IQCB1: variants seen among roughly 807,000 people sequenced by gnomAD.
IQCB1 encodes the protein IQ calmodulin-binding motif-containing protein 1.
In IQCB1, 56 loss-of-function variants were observed where a neutral mutation model predicts 84.4. The observed-to-expected ratio is 0.66, with a 90% CI of 0.54 to 0.83. IQCB1 has a LOEUF of 0.83. Ranked by LOEUF, IQCB1 falls within the 40% of genes least tolerant of loss-of-function variation. The probability of loss-of-function intolerance (pLI) is 0.00; values close to 1 mark genes in which losing one functional copy is unlikely to be tolerated. For synonymous variants in IQCB1, 210 were observed against 234.8 expected, an observed-to-expected ratio of 0.89 and a Z score of 0.96; for missense variants, 629 against 682.1, an observed-to-expected ratio of 0.92 and a Z score of 0.87.
At chr3:121,801,904 T>C (rs1336515470) in intron 7 of IQCB1, among the ~76,000 whole-genome samples, 3 of 151,646 alleles carry the variant, frequency 2.0e-5, no homozygotes, top group African/African-American at 7.3e-5. Context: ...TGGTATGTTT[T>C]TTCCATTTTT....
chr3:121,795,602 G>A (rs547768406), intron 9 of IQCB1, 36 bp from the exon 10 acceptor site: 1 of 1,209,148 alleles, frequency 8.3e-7, no homozygotes, highest in South Asian at 1.2e-5. Flanking sequence ...ATATCTCTAG[G>A]AAGGTCTTTA....
intron 5 of IQCB1, among the ~76,000 whole-genome samples, chr3:121,814,938 C>T (rs1015408397): frequency 1.3e-5 from 2 of 152,194 alleles, no homozygotes; most frequent in East Asian, 3.9e-4. Flanking sequence ...GATACCAAAA[C>T]CTGTCACAGA....
At chr3:121,783,511 G>C (rs1191707280) in intron 12 of IQCB1, among the ~76,000 whole-genome samples, 1 of 151,848 alleles carries the variant, frequency 6.6e-6, no homozygotes, top group Non-Finnish European at 1.5e-5. Context: ...TTCCTTCCTT[G>C]CACATTTTTA....
chr3:121,833,643 C>G (rs1708079623), intron 2 of IQCB1, among the ~76,000 whole-genome samples: 1 of 152,010 alleles, frequency 6.6e-6, no homozygotes, highest in Admixed American at 6.6e-5. Context: ...TACACACACA[C>G]AGATACAAAA....
At position 121,788,295 on chromosome 3, in the gene IQCB1, G is replaced by C; in HGVS notation, c.1267C>G (p.Leu423Val). 1 of 1,613,932 alleles carries C rather than the reference G, an allele frequency of 6.2e-7. No homozygotes were observed. Among genetic ancestry groups the C allele is most frequent in the Non-Finnish European group, 8.5e-7 (1 of 1,179,942 alleles). Residue 423 changes from leucine to valine, a missense_variant, in exon 12 of 15, where the codon CTT (leucine) becomes GTT (valine). Coordinates refer to ENST00000310864, the MANE Select transcript of IQCB1 (RefSeq NM_001023570.4). ...SLIEYKAAVT[L>V]QRAALKFLAK... ...TACATTAGACTCACTGCTCTTTGAAGTGTGACAGCTGCTTTATACTCTATG... is the reference window on the plus strand; with the variant it reads ...TACATTAGACTCACTGCTCTTTGAACTGTGACAGCTGCTTTATACTCTATG...
intron 12 of IQCB1, among the ~76,000 whole-genome samples, chr3:121,783,774 T>C (rs1948601216): frequency 6.6e-6 from 1 of 152,192 alleles, no homozygotes; most frequent in African/African-American, 2.4e-5. Flanking sequence ...CTTTTCATCT[T>C]TCCCTTGTGT....
chr3:121,772,045 G>A (rs887848519), intron 14 of IQCB1, among the ~76,000 whole-genome samples: 17 of 152,192 alleles, frequency 1.1e-4, no homozygotes, highest in Middle Eastern at 6.8e-3. Context: ...GTGGTGGTGC[G>A]CACCTGTAGT....
intron 9 of IQCB1, among the ~76,000 whole-genome samples, chr3:121,796,373 T>C (rs1341826859): frequency 1.3e-5 from 2 of 152,104 alleles, no homozygotes; most frequent in Non-Finnish European, 2.9e-5. Context: ...CCTTTTCCTT[T>C]TAAATTAAAA....
At chr3:121,775,324 G>A (rs1038466739) in intron 13 of IQCB1, among the ~76,000 whole-genome samples, 3 of 152,182 alleles carry the variant, frequency 2.0e-5, no homozygotes, top group Admixed American at 2.0e-4. Context: ...GTCCTTTGCA[G>A]AGACATGGAT....
chr3:121,784,201 T>TTA (rs1948619898), intron 12 of IQCB1, among the ~76,000 whole-genome samples: 1 of 151,586 alleles, frequency 6.6e-6, no homozygotes, highest in African/African-American at 2.4e-5. Context: ...TTTTTTTTTT[T>TTA]AATTAAAGAT....
intron 9 of IQCB1, 52 bp from the exon 10 acceptor site, chr3:121,795,618 A>G: frequency 9.4e-7 from 1 of 1,064,596 alleles, no homozygotes; most frequent in African/African-American, 1.6e-5. Flanking sequence ...CTTTAAAAAA[A>G]AAAAAAAGTT....
intron 5 of IQCB1, among the ~76,000 whole-genome samples, chr3:121,810,207 CATAT>C (rs1949771051): frequency 6.6e-6 from 1 of 152,152 alleles, no homozygotes; most frequent in African/African-American, 2.4e-5. Context: ...GAAATTCTCA[CATAT>C]ACTCACACAA....
At chr3:121,826,827 C>A (rs192744120) in intron 4 of IQCB1, among the ~76,000 whole-genome samples, 1 of 152,134 alleles carries the variant, frequency 6.6e-6, no homozygotes, top group Admixed American at 6.5e-5. Flanking sequence ...AGTCAGAAGT[C>A]CCAATAATAA....
intron 7 of IQCB1, among the ~76,000 whole-genome samples, chr3:121,801,075 C>T (rs557183396): frequency 6.6e-6 from 1 of 151,964 alleles, no homozygotes; most frequent in Non-Finnish European, 1.5e-5. Flanking sequence ...TTTCATTTGT[C>T]TTTGTGGGCT....
At chr3:121,786,170 C>CAAGAAAAGAAAAGAAAAG in intron 12 of IQCB1, among the ~76,000 whole-genome samples, 1 of 72,844 alleles carries the variant, frequency 1.4e-5, no homozygotes, top group African/African-American at 6.5e-5. Context: ...GATTCTGTCT[C>CAAGAAAAGAAAAGAAAAG]AAAAGAAAAG....
chr3:121,776,066 A>T (rs912676440), intron 13 of IQCB1, among the ~76,000 whole-genome samples: 3 of 151,758 alleles, frequency 2.0e-5, no homozygotes, highest in Non-Finnish European at 4.4e-5. Flanking sequence ...TTTTCTTTAA[A>T]AATTTTTTTT....
chr3:121,831,039 G>A (rs963899209), intron 2 of IQCB1, among the ~76,000 whole-genome samples: 4 of 152,154 alleles, frequency 2.6e-5, no homozygotes, highest in Non-Finnish European at 5.9e-5. Flanking sequence ...TCAAGAGGAT[G>A]GGGTACAAAG....
intron 5 of IQCB1, among the ~76,000 whole-genome samples, chr3:121,813,611 G>A (rs961483137): frequency 3.9e-5 from 6 of 152,084 alleles, no homozygotes; most frequent in African/African-American, 1.4e-4. Context: ...AAAAAAAGCA[G>A]GAGTTGCAAT....
chr3:121,773,583 A>C (rs1164116121), intron 13 of IQCB1, among the ~76,000 whole-genome samples: 1 of 152,170 alleles, frequency 6.6e-6, no homozygotes, highest in East Asian at 1.9e-4. Context: ...AAAGAACCTG[A>C]CACCACAGCT....
Sources: allele counts gnomAD v4.1 joint callset (sites outside exome capture counted in the v4.1 genomes callset), GRCh38; gene constraint gnomAD v4.1.1; transcripts MANE v1.5; gene names NCBI Gene and HGNC (gene_info 2026-07-23, HGNC 2026-07-21).